NKAIN3: variants seen among roughly 807,000 people sequenced by gnomAD.
NKAIN3 encodes the protein sodium/potassium transporting ATPase interacting 3, also known as sodium/potassium-transporting ATPase subunit beta-1-interacting protein 3.
In NKAIN3, 25 loss-of-function variants were observed where a neutral mutation model predicts 30.2. The ratio of observed to expected loss-of-function variants is 0.83; its 90% CI spans 0.60 to 1.16. The LOEUF is 1.16. Among genes scored for constraint, NKAIN3 ranks in the 50% most tolerant of loss-of-function variants. The pLI, the probability that NKAIN3 is intolerant of heterozygous loss-of-function variation, is 0.00. For synonymous variants in NKAIN3, 91 were observed against 89.6 expected, an observed-to-expected ratio of 1.02 and a Z score of -0.09; for missense variants, 225 against 254.1, an observed-to-expected ratio of 0.89 and a Z score of 0.78.
chr8:62,859,783 G>A (rs1820187271), intron 4 of NKAIN3, among the ~76,000 whole-genome samples: 1 of 152,086 alleles, frequency 6.6e-6, no homozygotes, highest in South Asian at 2.1e-4. Context: ...AGATTCTCAT[G>A]TACAGGAGAG....
chr8:62,630,751 C>T (rs902359774), intron 3 of NKAIN3, among the ~76,000 whole-genome samples: 3 of 152,086 alleles, frequency 2.0e-5, no homozygotes, highest in African/African-American at 7.2e-5. Context: ...AGCTTACCTT[C>T]TCTTTCTGAA....
At chr8:62,724,916 CAT>C (rs1396710799) in intron 3 of NKAIN3, among the ~76,000 whole-genome samples, 1 of 152,044 alleles carries the variant, frequency 6.6e-6, no homozygotes, top group Non-Finnish European at 1.5e-5. Context: ...TGCTGGATCA[CAT>C]GATAGCTTTT....
intron 4 of NKAIN3, among the ~76,000 whole-genome samples, chr8:62,884,419 T>G (rs1009570148): frequency 2.6e-5 from 4 of 152,090 alleles, no homozygotes; most frequent in African/African-American, 9.7e-5. Flanking sequence ...CCACCACACC[T>G]AGCTAATTTT....
At chr8:62,439,381 T>C (rs567013767) in intron 1 of NKAIN3, among the ~76,000 whole-genome samples, 5 of 152,202 alleles carry the variant, frequency 3.3e-5, no homozygotes, top group Non-Finnish European at 7.3e-5. Flanking sequence ...TCTGCTAGCA[T>C]AATTTTGATC....
chr8:62,546,460 C>T (rs146949346), intron 1 of NKAIN3, among the ~76,000 whole-genome samples: 2,415 of 152,298 alleles, frequency 0.016, 25 homozygotes, highest in Middle Eastern at 0.054. Context: ...TAAGTAGCTA[C>T]ACTCATAATT....
At chr8:62,376,181 T>C (rs1161478162) in intron 1 of NKAIN3, among the ~76,000 whole-genome samples, 1 of 152,224 alleles carries the variant, frequency 6.6e-6, no homozygotes. Context: ...TCTGACTTTA[T>C]TCCTGAATCT....
At chr8:62,960,735 G>GCACACACACACACACA (rs113227908) in intron 6 of NKAIN3, among the ~76,000 whole-genome samples, 14 of 148,434 alleles carry the variant, frequency 9.4e-5, no homozygotes, top group African/African-American at 2.5e-4. Context: ...CAGGAAAAAA[G>GCACACACACACACACA]CACACACACA....
At position 62,975,137 on chromosome 8, in the gene NKAIN3, C is replaced by T. The variant is rs1055550318; in HGVS notation, c.*9730C>T. ...CTGAAATTTTCATTTTTTGTTGTGT[C>T]TCTGCCTGGGATTGGTATCAGAATG... On this transcript the variant is annotated 3_prime_UTR_variant, in exon 7 of 7. Coordinates refer to ENST00000623646, the MANE Select transcript of NKAIN3 (RefSeq NM_001304533.3). Among the ~76,000 whole-genome samples the T allele has an allele frequency of 9.2e-5, 14 of 152,072 alleles. No homozygotes were observed. Among genetic ancestry groups the T allele is most frequent in the African/African-American group, 3.4e-4 (14 of 41,406 alleles).
At chr8:62,726,800 A>G (rs1815272846) in intron 3 of NKAIN3, among the ~76,000 whole-genome samples, 1 of 152,104 alleles carries the variant, frequency 6.6e-6, no homozygotes, top group Non-Finnish European at 1.5e-5. Flanking sequence ...CTATTGTTCT[A>G]TGACCTCTTT....
intron 1 of NKAIN3, among the ~76,000 whole-genome samples, chr8:62,366,963 G>A (rs184075572): frequency 6.6e-6 from 1 of 151,896 alleles, no homozygotes; most frequent in Non-Finnish European, 1.5e-5. Context: ...GGTTATTTAG[G>A]AGCATGTTGT....
intron 1 of NKAIN3, among the ~76,000 whole-genome samples, chr8:62,379,271 G>A (rs2351663): frequency 0.32 from 49,291 of 152,064 alleles, 9,576 homozygotes; most frequent in South Asian, 0.45. Flanking sequence ...GATTTTACAG[G>A]CTTATAGGCA....
intron 4 of NKAIN3, among the ~76,000 whole-genome samples, chr8:62,917,403 A>G (rs1822140749): frequency 6.6e-6 from 1 of 152,174 alleles, no homozygotes. Context: ...TTTCTCTGTA[A>G]GTCCTTCTCC....
intron 4 of NKAIN3, among the ~76,000 whole-genome samples, chr8:62,882,755 C>G (rs1283636597): frequency 5.3e-5 from 8 of 151,950 alleles, no homozygotes; most frequent in African/African-American, 1.5e-4. Context: ...GGAGTGTATT[C>G]ATATTTTTGC....
intron 1 of NKAIN3, among the ~76,000 whole-genome samples, chr8:62,405,585 C>T (rs763048779): frequency 4.6e-5 from 7 of 152,176 alleles, no homozygotes; most frequent in East Asian, 1.9e-4. Flanking sequence ...CTGCTCTCTC[C>T]GTGCCCTAAG....
At chr8:62,505,794 A>G (rs1319781772) in intron 1 of NKAIN3, among the ~76,000 whole-genome samples, 1 of 152,120 alleles carries the variant, frequency 6.6e-6, no homozygotes, top group East Asian at 1.9e-4. Flanking sequence ...ACAACAAATT[A>G]CCACACAACA....
At chr8:62,434,751 GAA>G in intron 1 of NKAIN3, among the ~76,000 whole-genome samples, 1 of 151,900 alleles carries the variant, frequency 6.6e-6, no homozygotes, top group East Asian at 1.9e-4. Flanking sequence ...TTTGTGATTT[GAA>G]AAAAATGGTT....
intron 6 of NKAIN3, among the ~76,000 whole-genome samples, chr8:62,959,892 C>G (rs149342562): frequency 6.6e-6 from 1 of 152,148 alleles, no homozygotes; most frequent in Admixed American, 6.5e-5. Context: ...TTAGTTGTCC[C>G]GAAGGAGAGA....
At chr8:62,694,351 C>A (rs541367668) in intron 3 of NKAIN3, among the ~76,000 whole-genome samples, 2 of 152,158 alleles carry the variant, frequency 1.3e-5, no homozygotes, top group South Asian at 4.2e-4. Flanking sequence ...TATATACATA[C>A]AATAGGATGT....
intron 1 of NKAIN3, among the ~76,000 whole-genome samples, chr8:62,380,279 G>A (rs544465742): frequency 2.0e-5 from 3 of 152,292 alleles, no homozygotes; most frequent in South Asian, 2.1e-4. Flanking sequence ...TCATTCTTAT[G>A]TCTCATTAGG....
Sources: allele counts gnomAD v4.1 joint callset (sites outside exome capture counted in the v4.1 genomes callset), GRCh38; gene constraint gnomAD v4.1.1; transcripts MANE v1.5; gene names NCBI Gene and HGNC (gene_info 2026-07-23, HGNC 2026-07-21).